TBCE: variants seen among roughly 807,000 people sequenced by gnomAD.
The protein encoded by TBCE is tubulin folding cofactor E, also known as tubulin-specific chaperone E.
Under a neutral mutation model 77.0 loss-of-function variants are expected in TBCE, and 53 were observed. That is an observed-to-expected ratio of 0.69 (90% confidence interval 0.55 to 0.87). The LOEUF is 0.87. Among genes scored for constraint, TBCE ranks in the 40% least tolerant of loss-of-function variants. TBCE has a pLI of 0.00. For missense variants in TBCE, 624 were observed against 622.4 expected, an observed-to-expected ratio of 1.00 and a Z score of -0.03; for synonymous variants, 235 against 241.3, an observed-to-expected ratio of 0.97 and a Z score of 0.24.
At chr1:235,442,233 C>T (rs530215744) in intron 14 of TBCE, among the ~76,000 whole-genome samples, 4 of 152,072 alleles carry the variant, frequency 2.6e-5, no homozygotes, top group African/African-American at 9.6e-5. Flanking sequence ...TGCAGTGGCA[C>T]GATCTTGGCT....
chr1:235,404,306 G>A (rs943365064), intron 3 of TBCE, among the ~76,000 whole-genome samples: 2 of 151,568 alleles, frequency 1.3e-5, no homozygotes, highest in African/African-American at 2.4e-5. Context: ...GCAGTGTGGG[G>A]TGGTACGGGT....
chr1:235,383,423 C>T (rs1227077016), intron 2 of TBCE, among the ~76,000 whole-genome samples: 11 of 152,100 alleles, frequency 7.2e-5, no homozygotes, highest in African/African-American at 1.4e-4. Context: ...GCCATTTTCA[C>T]GATATTAATT....
At chr1:235,400,434 C>G (rs932673682) in intron 2 of TBCE, among the ~76,000 whole-genome samples, 14 of 33,248 alleles carry the variant, frequency 4.2e-4, no homozygotes, top group African/African-American at 2.8e-3. Flanking sequence ...GGAGTCTCGC[C>G]CTGTCGCCTA....
At chr1:235,371,181 T>C (rs924532204) in intron 1 of TBCE, among the ~76,000 whole-genome samples, 2 of 147,722 alleles carry the variant, frequency 1.4e-5, no homozygotes, top group East Asian at 2.1e-4. Context: ...CTCAGCCTCC[T>C]CAGTAGCTGG....
chr1:235,402,040 T>G (rs979664590), intron 3 of TBCE, among the ~76,000 whole-genome samples: 8 of 151,772 alleles, frequency 5.3e-5, no homozygotes, highest in Non-Finnish European at 1.0e-4. Context: ...TAGGAAGAGT[T>G]ACATGTCACA....
chr1:235,381,901 T>C (rs909099738), intron 2 of TBCE, among the ~76,000 whole-genome samples: 3 of 149,264 alleles, frequency 2.0e-5, no homozygotes, highest in African/African-American at 7.4e-5. Context: ...GCCATGCTGG[T>C]GTGCTGCACC....
At chr1:235,440,109 T>G (rs967413384) in intron 13 of TBCE, among the ~76,000 whole-genome samples, 1 of 152,152 alleles carries the variant, frequency 6.6e-6, no homozygotes, top group Non-Finnish European at 1.5e-5. Context: ...TGGCTGGGAC[T>G]ACAGGCGCCC....
At chr1:235,422,055 G>A (rs914444881) in intron 5 of TBCE, among the ~76,000 whole-genome samples, 1 of 152,214 alleles carries the variant, frequency 6.6e-6, no homozygotes, top group Non-Finnish European at 1.5e-5. Flanking sequence ...AGCCTCCTCC[G>A]TTGACCCCAG....
rs1348200373 is a variant in TBCE at position 235,449,820 on chromosome 1, GGTTGAAATTCAAACTC to G, written c.*1059_*1074del. 3.4e-5 allele frequency: 6 copies of G among 175,556 alleles called. No homozygotes were observed. The allele number at this position is 175,556 out of a possible 1,614,324, so 10.9% of individuals were successfully genotyped here. On this transcript the variant is annotated 3_prime_UTR_variant, in exon 17 of 17. Coordinates refer to ENST00000642610, the MANE Select transcript of TBCE (RefSeq NM_003193.5). The stretch of plus-strand genomic sequence containing the variant: ...CTCTACAGAGCTATCCTGCAATCCA[GGTTGAAATTCAAACTC>G]TCAGTTACTACTACAGATTTCTGAA...
At position 235,449,367 on chromosome 1, in the gene TBCE, A is replaced by G. The variant is rs1005013672; in HGVS notation, c.*605A>G. On this transcript the variant is annotated 3_prime_UTR_variant, in exon 17 of 17. Transcript: ENST00000642610. ...TGAAATGTACTCATATTAGGTAAAC[A>G]TTAGGCAATGATAGGAGGAAAGCAA... The G allele has an allele frequency of 6.5e-6, 1 of 153,514 alleles. No homozygotes were observed. Among genetic ancestry groups the G allele is most frequent in the Non-Finnish European group, 1.5e-5 (1 of 68,958 alleles). 9.5% of individuals were successfully genotyped at this position (153,514 alleles called of 1,614,324 possible).
At position 235,396,473 on chromosome 1, in the gene TBCE, A is replaced by G. The variant is rs13376252; in HGVS notation, c.101-5030A>G. 8.2e-3 allele frequency among the ~76,000 whole-genome samples: 1,241 copies of G among 152,268 alleles called. 15 individuals carry two copies. Among genetic ancestry groups the G allele is most frequent in the African/African-American group, 0.029 (1,201 of 41,552 alleles). On this transcript the variant is annotated intron_variant, in intron 2 of 16. Transcript: ENST00000642610. ...ACATAGGAGTGCAGATGTCTCTTCT[A>G]TATACTGGTTTTCTTTCTTTTTGGT...
At chr1:235,440,266 A>G (rs148481119) in intron 13 of TBCE, among the ~76,000 whole-genome samples, 1,603 of 152,036 alleles carry the variant, frequency 0.011, 26 homozygotes, top group African/African-American at 0.037. Flanking sequence ...CACCGCGCCC[A>G]GCCAGGGAAA....
intron 2 of TBCE, among the ~76,000 whole-genome samples, chr1:235,391,310 T>C (rs2086301674): frequency 6.6e-6 from 1 of 151,848 alleles, no homozygotes; most frequent in Non-Finnish European, 1.5e-5. Context: ...GGCGAAACCC[T>C]GTCTCTACTA....
chr1:235,410,976 CAA>C (rs753112501), intron 3 of TBCE, among the ~76,000 whole-genome samples: 15 of 152,126 alleles, frequency 9.9e-5, no homozygotes. Context: ...CATTCCTACA[CAA>C]AGAGTATAAT....
At chr1:235,388,696 T>C (rs1377915903) in intron 2 of TBCE, among the ~76,000 whole-genome samples, 2 of 152,242 alleles carry the variant, frequency 1.3e-5, no homozygotes, top group East Asian at 3.8e-4. Flanking sequence ...ATTTCCAATA[T>C]TCACATTCTC....
chr1:235,434,310 C>T, intron 8 of TBCE, 30 bp downstream of exon 8: 2 of 1,540,680 alleles, frequency 1.3e-6, no homozygotes, highest in East Asian at 4.5e-5. Context: ...ATGCATCTAT[C>T]CCCATTTAAT....
At chr1:235,410,417 C>T (rs1679716341) in intron 3 of TBCE, among the ~76,000 whole-genome samples, 1 of 152,084 alleles carries the variant, frequency 6.6e-6, no homozygotes, top group African/African-American at 2.4e-5. Context: ...CTGACGTTGC[C>T]ATGGCATTTG....
At position 235,436,436 on chromosome 1, in the gene TBCE, C is replaced by T. The variant is rs368104665; in HGVS notation, c.884C>T (p.Pro295Leu). The T allele has an allele frequency of 6.2e-6, 10 of 1,613,872 alleles. No individual in the cohort carries two copies. Among genetic ancestry groups the T allele is most frequent in the South Asian group, 2.2e-5 (2 of 91,084 alleles). ...ACTGGAATTTCTTCTCTACATTTTC[C>T]GGATGCTGGAATTGGTATATAAGAT... The part of the protein sequence containing the change: ...SDTGISSLHF[P>L]DAGIGCKTSM... The change falls in exon 10 of 17, where the codon CCG becomes CTG. Residue 295 changes from proline to leucine, a missense_variant. Pro to Leu is a moderately conservative substitution (Grantham distance 98). Transcript: ENST00000642610.
intron 15 of TBCE, among the ~76,000 whole-genome samples, chr1:235,447,985 C>A (rs192678540): frequency 1.3e-5 from 2 of 151,852 alleles, no homozygotes; most frequent in Non-Finnish European, 2.9e-5. Flanking sequence ...CCAGGGCGGG[C>A]GGATCACGAG....
Sources: gnomAD v4.1 joint callset for allele counts (sites outside exome capture counted in the v4.1 genomes callset) on GRCh38, gnomAD v4.1.1 for gene constraint, MANE v1.5 for transcripts, NCBI Gene and HGNC (gene_info 2026-07-23, HGNC 2026-07-21) for gene names.